CCDC91: variants seen among roughly 807,000 people sequenced by gnomAD.
CCDC91 encodes coiled-coil domain containing 91.
CCDC91 carries 48 observed loss-of-function variants against 63.2 expected under a neutral mutation model. The observed-to-expected ratio is 0.76, with a 90% CI of 0.60 to 0.97. The LOEUF (loss-of-function observed/expected upper bound fraction) is 0.97. Ranked by LOEUF, CCDC91 falls within the 50% of genes least tolerant of loss-of-function variation. The pLI, the probability that CCDC91 is intolerant of heterozygous loss-of-function variation, is 0.00. For synonymous variants in CCDC91, 167 were observed against 165.8 expected (o/e 1.01, Z -0.06); for missense variants, 500 against 494.6 (o/e 1.01, Z -0.10).
In CCDC91 at chr12:28,216,440, T is replaced by C. The variant is rs1943564943; in HGVS notation, c.-15+25799T>C. Among the ~76,000 whole-genome samples the C allele has an allele frequency of 2.0e-5, 3 of 152,148 alleles. No homozygotes were observed. The South Asian group carries it at 6.2e-4, about 32-fold the overall frequency. ...AAATATATATAGTGCCTCAAAAATA[T>C]CACAGAATTCAGTTATGCTACCGAG... On this transcript the variant is annotated intron_variant, in intron 1 of 12. Transcript: ENST00000536442.
At chr12:28,372,879 A>G (rs1344691200) in intron 7 of CCDC91, among the ~76,000 whole-genome samples, 1 of 152,136 alleles carries the variant, frequency 6.6e-6, no homozygotes, top group Non-Finnish European at 1.5e-5. Context: ...GAACAGAGGT[A>G]GTGAAGATGG....
intron 1 of CCDC91, among the ~76,000 whole-genome samples, chr12:28,203,457 G>A (rs1942613684): frequency 1.3e-5 from 2 of 152,028 alleles, no homozygotes; most frequent in African/African-American, 4.8e-5. Flanking sequence ...TTTGCTTCAT[G>A]TTTATCATCT....
intron 6 of CCDC91, among the ~76,000 whole-genome samples, chr12:28,349,974 ACCAAATCCT>A (rs1943071205): frequency 1.3e-5 from 2 of 152,156 alleles, no homozygotes; most frequent in African/African-American, 4.8e-5. Context: ...CTTTGCTGCT[ACCAAATCCT>A]GAGTATTTTG....
chr12:28,498,390 G>A (rs1467903362), intron 12 of CCDC91, among the ~76,000 whole-genome samples: 2 of 151,700 alleles, frequency 1.3e-5, no homozygotes, highest in East Asian at 3.9e-4. Flanking sequence ...GAGTGCAAGA[G>A]AGAAAGCCCA....
chr12:28,330,022 A>C lies in CCDC91; in HGVS notation c.576+22273A>C, dbSNP rs566048405. 1.8e-4 allele frequency among the ~76,000 whole-genome samples: 28 copies of C among 152,184 alleles called. No homozygotes were observed. In the South Asian group the frequency reaches 4.4e-3, roughly 24 times the overall value. ...TCTTAATCCAGTGTGTCTTTGATGG[A>C]CATTAGGGTTGGTTCCAAGTCTTTG... On this transcript the variant is annotated intron_variant, in intron 6 of 12. Transcript: ENST00000536442.
At chr12:28,363,093 T>TG (rs1428284054) in intron 7 of CCDC91, among the ~76,000 whole-genome samples, 1 of 152,164 alleles carries the variant, frequency 6.6e-6, no homozygotes, top group Non-Finnish European at 1.5e-5. Flanking sequence ...TGTTAGATCA[T>TG]TTTTCTTTTA....
chr12:28,234,655 A>G (rs1185264526), intron 1 of CCDC91, among the ~76,000 whole-genome samples: 11 of 152,186 alleles, frequency 7.2e-5, no homozygotes. Flanking sequence ...TGTGAGAATC[A>G]AAGGTAATGG....
intron 8 of CCDC91, among the ~76,000 whole-genome samples, chr12:28,426,861 A>AGTTAT (rs751134106): frequency 2.9e-4 from 44 of 152,134 alleles, no homozygotes; most frequent in Non-Finnish European, 5.6e-4. Context: ...ATGTCTTATA[A>AGTTAT]CTTTTTATGA....
chr12:28,302,523 A>T (rs1938186560), intron 3 of CCDC91: 8 of 492,816 alleles, frequency 1.6e-5, no homozygotes, highest in Non-Finnish European at 2.1e-5. Context: ...TAATGCATAA[A>T]TTGTTAATGT....
At chr12:28,426,537 A>G (rs1948327130) in intron 8 of CCDC91, among the ~76,000 whole-genome samples, 1 of 151,870 alleles carries the variant, frequency 6.6e-6, no homozygotes. Context: ...TTTGCACTAG[A>G]TTTAGGAAGT....
chr12:28,331,379 A>G lies in CCDC91; in HGVS notation c.576+23630A>G, dbSNP rs535762742. 2.6e-5 allele frequency among the ~76,000 whole-genome samples: 4 copies of G among 152,346 alleles called. No homozygotes were observed. The East Asian group carries it at 7.7e-4, about 29-fold the overall frequency. On this transcript the variant is annotated intron_variant, in intron 6 of 12. Transcript: ENST00000536442. ...GAGGTTCATGTGAGGAAAAAACGTC[A>G]GGCTGGGCTAAAATTACAGGACAAA...
chr12:28,455,119 G>T (rs1165529590), intron 11 of CCDC91, among the ~76,000 whole-genome samples: 1 of 151,220 alleles, frequency 6.6e-6, no homozygotes, highest in Non-Finnish European at 1.5e-5. Flanking sequence ...TAAAATACCA[G>T]CTACAAGAAA....
Position 28,450,366 on chromosome 12 carries a change from G to C in CCDC91, c.872G>C (p.Cys291Ser), listed in dbSNP as rs778485683. 3 of 1,612,100 alleles carry C rather than the reference G, an allele frequency of 1.9e-6. No homozygotes were observed. The South Asian group carries it at 3.3e-5, about 18-fold the overall frequency. The change falls in exon 10 of 13, where the codon TGT becomes TCT. Residue 291 changes from cysteine (C) to serine (S), a missense_variant. By Grantham distance (112) the Cys-to-Ser change is moderately radical. Transcript: ENST00000536442. ...SQEQKEILEK[C>S]LEEERQRNKE... ...ATTTGACAGGAAATATTGGAAAAGT[G>C]TTTGGAGGAAGAAAGGCAAAGAAAT... is the stretch of plus-strand genomic sequence containing the variant.
At chr12:28,413,904 T>G (rs1430352448) in intron 8 of CCDC91, among the ~76,000 whole-genome samples, 1 of 152,206 alleles carries the variant, frequency 6.6e-6, no homozygotes, top group African/African-American at 2.4e-5. Flanking sequence ...AAGAAATATG[T>G]TTCACTTTCT....
chr12:28,367,980 G>T (rs981844592), intron 7 of CCDC91, among the ~76,000 whole-genome samples: 2 of 152,146 alleles, frequency 1.3e-5, no homozygotes, highest in African/African-American at 4.8e-5. Flanking sequence ...TCCTTTCTGG[G>T]TCTCCAGCCT....
chr12:28,286,613 T>C (rs1948930905), intron 3 of CCDC91, among the ~76,000 whole-genome samples: 1 of 152,366 alleles, frequency 6.6e-6, no homozygotes, highest in East Asian at 1.9e-4. Flanking sequence ...GTTCATCCAC[T>C]GATGGCCATT....
At chr12:28,190,727 C>T (rs1178642984) in intron 1 of CCDC91, 86 bp downstream of exon 1, 1 of 145,960 alleles carries the variant, frequency 6.9e-6, no homozygotes, top group Non-Finnish European at 1.6e-5. Context: ...GGGGGAGGAG[C>T]GCGGACGAGC....
chr12:28,358,591 A>G (rs11049550), intron 6 of CCDC91, among the ~76,000 whole-genome samples: 30,767 of 152,160 alleles, frequency 0.2, 4,080 homozygotes, highest in Non-Finnish European at 0.3. Flanking sequence ...CCTCACTTTA[A>G]TAAGTGCCAT....
intron 3 of CCDC91, among the ~76,000 whole-genome samples, chr12:28,285,586 AG>A (rs899704702): frequency 1.1e-4 from 17 of 151,762 alleles, no homozygotes; most frequent in African/African-American, 4.1e-4. Flanking sequence ...ATTTGCCAAT[AG>A]GACTGGCAAA....
Sources: allele counts gnomAD v4.1 joint callset (sites outside exome capture counted in the v4.1 genomes callset), GRCh38; gene constraint gnomAD v4.1.1; transcripts MANE v1.5; gene names NCBI Gene and HGNC (gene_info 2026-07-23, HGNC 2026-07-21).